SLC9A2: variants seen among roughly 807,000 people sequenced by gnomAD.
SLC9A2 encodes the protein solute carrier family 9 member A2.
Under a neutral mutation model 71.7 loss-of-function variants are expected in SLC9A2, and 42 were observed. That is an observed-to-expected ratio of 0.59 (90% CI 0.46 to 0.76). The LOEUF (loss-of-function observed/expected upper bound fraction) is 0.76. SLC9A2 is among the 30% of genes least tolerant of loss of function. SLC9A2 has a pLI of 0.00. For missense variants in SLC9A2, 829 were observed against 1,017.4 expected (o/e 0.81, Z 2.52); for synonymous variants, 396 against 392.5 (o/e 1.01, Z -0.10).
intron 2 of SLC9A2, among the ~76,000 whole-genome samples, chr2:102,659,227 G>A (rs1192986078): frequency 4.0e-5 from 6 of 150,128 alleles, no homozygotes; most frequent in South Asian, 4.2e-4. Flanking sequence ...TCAGGAGCTC[G>A]AGACAAGCCT....
At chr2:102,696,127 A>G (rs1036575468) in intron 7 of SLC9A2, among the ~76,000 whole-genome samples, 9 of 151,814 alleles carry the variant, frequency 5.9e-5, no homozygotes, top group African/African-American at 9.7e-5. Flanking sequence ...CTCATCACGT[A>G]CCTCTCTTCC....
chr2:102,626,475 G>A (rs945272500), intron 1 of SLC9A2, among the ~76,000 whole-genome samples: 3 of 152,102 alleles, frequency 2.0e-5, no homozygotes, highest in East Asian at 3.9e-4. Flanking sequence ...AACCCTAGAA[G>A]AAAACCTAGG....
At chr2:102,641,341 C>T (rs975937180) in intron 1 of SLC9A2, among the ~76,000 whole-genome samples, 1 of 152,178 alleles carries the variant, frequency 6.6e-6, no homozygotes, top group East Asian at 1.9e-4. Flanking sequence ...TGTTACTTCC[C>T]ATGGCCTTAT....
At chr2:102,657,259 T>G (rs1444218343) in intron 1 of SLC9A2, among the ~76,000 whole-genome samples, 2 of 152,036 alleles carry the variant, frequency 1.3e-5, no homozygotes, top group African/African-American at 2.4e-5. Flanking sequence ...ATTTCCACAG[T>G]TCCAGCCCTG....
At chr2:102,661,847 T>C (rs1413871809) in intron 2 of SLC9A2, among the ~76,000 whole-genome samples, 1 of 152,186 alleles carries the variant, frequency 6.6e-6, no homozygotes, top group Non-Finnish European at 1.5e-5. Flanking sequence ...CCCACATACA[T>C]AATATATACA....
At chr2:102,634,512 GC>G (rs1259532294) in intron 1 of SLC9A2, among the ~76,000 whole-genome samples, 1 of 152,194 alleles carries the variant, frequency 6.6e-6, no homozygotes, top group Non-Finnish European at 1.5e-5. Flanking sequence ...AATGTGGATA[GC>G]CTTGAAGGAG....
chr2:102,628,178 AAT>A (rs1676286324), intron 1 of SLC9A2, among the ~76,000 whole-genome samples: 1 of 152,212 alleles, frequency 6.6e-6, no homozygotes, highest in African/African-American at 2.4e-5. Flanking sequence ...CTTTAATACA[AAT>A]AATAATAACA....
At chr2:102,646,238 A>G (rs1316571846) in intron 1 of SLC9A2, among the ~76,000 whole-genome samples, 2 of 152,228 alleles carry the variant, frequency 1.3e-5, no homozygotes, top group African/African-American at 2.4e-5. Context: ...AATCCTTTAT[A>G]GACAAGCAAA....
intron 4 of SLC9A2, 48 bp from the exon 5 acceptor site, chr2:102,684,086 T>G: frequency 1.5e-6 from 2 of 1,366,074 alleles, no homozygotes; most frequent in Non-Finnish European, 2.1e-6. Context: ...TATTTTCATA[T>G]TTTGGCCTCA....
chr2:102,693,613 G>A (rs532056208), intron 5 of SLC9A2, among the ~76,000 whole-genome samples: 2 of 152,280 alleles, frequency 1.3e-5, no homozygotes, highest in East Asian at 3.9e-4. Flanking sequence ...GTGCTTTGCT[G>A]TGCTGTGGTC....
At chr2:102,652,737 C>A (rs569371011) in intron 1 of SLC9A2, among the ~76,000 whole-genome samples, 2 of 152,172 alleles carry the variant, frequency 1.3e-5, no homozygotes, top group African/African-American at 4.8e-5. Flanking sequence ...TGCAGTAGCT[C>A]GTGGACAGCC....
intron 1 of SLC9A2, among the ~76,000 whole-genome samples, chr2:102,627,154 T>C (rs3079232): frequency 0.34 from 22,298 of 66,150 alleles, 4,947 homozygotes; most frequent in African/African-American, 0.61. Context: ...ACAACAACAA[T>C]AACAACAACA....
chr2:102,673,177 G>A (rs1292117401), intron 3 of SLC9A2, among the ~76,000 whole-genome samples: 1 of 151,970 alleles, frequency 6.6e-6, no homozygotes, highest in South Asian at 2.1e-4. Flanking sequence ...AGTGGTCAGG[G>A]TACTAAAGAA....
intron 3 of SLC9A2, among the ~76,000 whole-genome samples, chr2:102,667,563 A>G (rs1452300968): frequency 6.6e-6 from 1 of 152,170 alleles, no homozygotes; most frequent in Non-Finnish European, 1.5e-5. Flanking sequence ...TGGAAGGCCT[A>G]TGCTGTATCA....
rs41280601 is a variant in SLC9A2, at chr2:102,694,369, T to C, written c.1426-45T>C. ...ATTTTTATATTAAACAATTTATAAA[T>C]TGTATAAATATATATGAAATGCTTA... On this transcript the variant is annotated intron_variant, in intron 5 of 11. Coordinates refer to ENST00000233969, the MANE Select transcript of SLC9A2 (RefSeq NM_003048.6). The C allele has an allele frequency of 5.1e-3, 3,763 of 736,962 alleles. 20 individuals are homozygous for C. Among genetic ancestry groups the C allele is most frequent in the Middle Eastern group, 8.5e-3 (25 of 2,928 alleles). The allele number at this position is 736,962 out of a possible 1,614,324, so 45.7% of individuals were successfully genotyped here.
chr2:102,638,474 A>G (rs1471035639), intron 1 of SLC9A2, among the ~76,000 whole-genome samples: 1 of 152,248 alleles, frequency 6.6e-6, no homozygotes, highest in African/African-American at 2.4e-5. Flanking sequence ...TTGAATAAGA[A>G]GCACAAGCCA....
At chr2:102,702,729 T>C (rs1677898201) in intron 9 of SLC9A2, among the ~76,000 whole-genome samples, 2 of 152,192 alleles carry the variant, frequency 1.3e-5, no homozygotes, top group Non-Finnish European at 2.9e-5. Context: ...TGCTGTGGGC[T>C]TGGATACAAA....
chr2:102,676,044 C>G (rs1210727782), intron 3 of SLC9A2, among the ~76,000 whole-genome samples: 1 of 152,194 alleles, frequency 6.6e-6, no homozygotes. Context: ...CCATACTGCT[C>G]TAATATACAT....
intron 3 of SLC9A2, among the ~76,000 whole-genome samples, chr2:102,669,938 G>A (rs756446272): frequency 3.3e-5 from 5 of 152,128 alleles, no homozygotes; most frequent in East Asian, 1.9e-4. Context: ...GGGGAAGGGC[G>A]TACTTGGCCT....
Sources: gnomAD v4.1 joint callset for allele counts (sites outside exome capture counted in the v4.1 genomes callset) on GRCh38, gnomAD v4.1.1 for gene constraint, MANE v1.5 for transcripts, NCBI Gene and HGNC (gene_info 2026-07-23, HGNC 2026-07-21) for gene names.